The following MYO16 variants were observed in gnomAD, a reference collection of about 807,000 sequenced individuals.
The protein encoded by MYO16 is unconventional myosin-XVI.
MYO16 carries 94 observed loss-of-function variants against 205.3 expected under a neutral mutation model. The ratio of observed to expected loss-of-function variants is 0.46; its 90% CI spans 0.39 to 0.54. MYO16 has a LOEUF of 0.54. Among genes scored for constraint, MYO16 ranks in the 20% least tolerant of loss-of-function variants. MYO16 has a pLI of 0.00. For synonymous variants in MYO16, 988 were observed against 954.0 expected (o/e 1.04, Z -0.66); for missense variants, 2,315 against 2,387.5 (o/e 0.97, Z 0.63).
intron 32 of MYO16, among the ~76,000 whole-genome samples, chr13:109,153,689 G>A (rs900839063): frequency 3.3e-5 from 5 of 152,148 alleles, no homozygotes; most frequent in Admixed American, 3.3e-4. Context: ...AACCCTGGAG[G>A]TGGAGGTTGC....
intron 4 of MYO16, among the ~76,000 whole-genome samples, chr13:108,763,976 G>A (rs912766244): frequency 1.3e-5 from 2 of 152,082 alleles, no homozygotes; most frequent in Admixed American, 6.6e-5. Context: ...CGATAAACTC[G>A]ATTCAAAAGG....
rs193134526 is a variant in MYO16, at chr13:108,886,521, A to G, written c.1554-1851A>G. The G allele has an allele frequency of 7.2e-4, 327 of 455,900 alleles. No individual in the cohort carries two copies. In the Admixed American group the frequency reaches 7.4e-3, roughly 10 times the overall value. 28.2% of individuals were successfully genotyped at this position (455,900 alleles called of 1,614,324 possible). A position where few individuals can be genotyped will look rare whatever the true frequency, so the allele number is the denominator to read the frequency against. On this transcript the variant is annotated intron_variant, in intron 13 of 34. Coordinates refer to ENST00000457511, the MANE Select transcript of MYO16 (RefSeq NM_001198950.3). ...AGCTCTCAGCAGAGAGGGGTCCTGAAGCAGGGTGCCTGGTGCCCCCTTCTC... is the reference window on the plus strand; with the variant it reads ...AGCTCTCAGCAGAGAGGGGTCCTGAGGCAGGGTGCCTGGTGCCCCCTTCTC...
intron 3 of MYO16, among the ~76,000 whole-genome samples, chr13:108,720,349 G>C (rs1884114425): frequency 6.6e-6 from 1 of 152,170 alleles, no homozygotes; most frequent in Non-Finnish European, 1.5e-5. Flanking sequence ...TAGATTTTGA[G>C]AAATTGCAAT....
intron 14 of MYO16, among the ~76,000 whole-genome samples, chr13:108,897,714 T>C (rs558424696): frequency 6.6e-6 from 1 of 152,310 alleles, no homozygotes; most frequent in East Asian, 1.9e-4. Flanking sequence ...CTTGATAACA[T>C]TTGTTAAGCT....
chr13:108,661,654 C>T (rs1881508155), intron 1 of MYO16, among the ~76,000 whole-genome samples: 1 of 152,150 alleles, frequency 6.6e-6, no homozygotes, highest in African/African-American at 2.4e-5. Context: ...TTTCTTTAAG[C>T]TATCCATTTT....
the MYO16 span, among the ~76,000 whole-genome samples, chr13:108,543,352 A>G: frequency 6.6e-6 from 1 of 152,342 alleles, no homozygotes; most frequent in East Asian, 1.9e-4. Flanking sequence ...TTTTGGTAAA[A>G]AAGAATCCCA....
intron 16 of MYO16, among the ~76,000 whole-genome samples, chr13:108,916,277 T>A (rs1003812960): frequency 6.6e-6 from 1 of 152,186 alleles, no homozygotes; most frequent in Non-Finnish European, 1.5e-5. Context: ...GTTCACTCAC[T>A]GAATCCTCAC....
the MYO16 span, among the ~76,000 whole-genome samples, chr13:108,548,689 AATG>A: frequency 3.9e-5 from 6 of 152,062 alleles, no homozygotes; most frequent in Admixed American, 1.3e-4. Context: ...TGATGGTGGT[AATG>A]ATGATGATTA....
chr13:109,028,196 A>G (rs181290594), intron 23 of MYO16, among the ~76,000 whole-genome samples: 36 of 150,930 alleles, frequency 2.4e-4, no homozygotes, highest in Admixed American at 6.6e-4. Flanking sequence ...TATGTGCAGA[A>G]AATTGAGATA....
chr13:109,109,786 CAG>C (rs1192358802), intron 28 of MYO16, among the ~76,000 whole-genome samples: 1 of 152,154 alleles, frequency 6.6e-6, no homozygotes, highest in Non-Finnish European at 1.5e-5. Context: ...GGGCTGAAAA[CAG>C]AAGACAGTTC....
In MYO16 at chr13:108,776,818, CAGAG is replaced by C. The variant is rs1886138993; in HGVS notation, c.508-8814_508-8811del. On this transcript the variant is annotated intron_variant, in intron 4 of 34. Coordinates refer to ENST00000457511, the MANE Select transcript of MYO16 (RefSeq NM_001198950.3). ...ACAACAACTCTGGGAGAATTAAAGA[CAGAG>C]AGGGCAAGCAGTTTCTCCAAGGTCA... Among the ~76,000 whole-genome samples, 3 of 152,220 alleles carry C rather than the reference CAGAG, an allele frequency of 2.0e-5. No individual in the cohort carries two copies. The South Asian group carries it at 6.2e-4, about 32-fold the overall frequency.
intron 23 of MYO16, among the ~76,000 whole-genome samples, chr13:109,023,197 AT>A: frequency 8.0e-6 from 1 of 125,606 alleles, no homozygotes; most frequent in African/African-American, 3.0e-5. Flanking sequence ...TATATTATAT[AT>A]GAATATAAAT....
intron 7 of MYO16, among the ~76,000 whole-genome samples, chr13:108,818,878 C>A (rs1875789589): frequency 6.6e-6 from 1 of 152,150 alleles, no homozygotes; most frequent in Non-Finnish European, 1.5e-5. Flanking sequence ...AAGCCTGCTC[C>A]ATTTTCAAAG....
chr13:108,585,365 A>T, the MYO16 span, among the ~76,000 whole-genome samples: 1 of 152,230 alleles, frequency 6.6e-6, no homozygotes, highest in African/African-American at 2.4e-5. Flanking sequence ...TTTCTGGTTG[A>T]CATTGATTGG....
chr13:108,952,075 C>T (rs896203725), intron 16 of MYO16, among the ~76,000 whole-genome samples: 18 of 151,632 alleles, frequency 1.2e-4, no homozygotes, highest in African/African-American at 4.4e-4. Context: ...CATGCCATTG[C>T]ACTCCAGCCT....
At chr13:109,013,220 G>A (rs1421548062) in intron 22 of MYO16, among the ~76,000 whole-genome samples, 4 of 149,724 alleles carry the variant, frequency 2.7e-5, no homozygotes, top group Non-Finnish European at 5.9e-5. Context: ...TGCGGTGTTT[G>A]GTTTTCTGTC....
chr13:108,663,611 C>G (rs139088100), intron 1 of MYO16, among the ~76,000 whole-genome samples: 1 of 152,090 alleles, frequency 6.6e-6, no homozygotes. Context: ...GATTTAAGAG[C>G]CACCCTCTAC....
intron 4 of MYO16, among the ~76,000 whole-genome samples, chr13:108,766,502 C>T (rs981145105): frequency 7.9e-5 from 12 of 152,282 alleles, no homozygotes; most frequent in Middle Eastern, 3.4e-3. Flanking sequence ...CATTTCTTTA[C>T]CAGTTCCAAT....
intron 9 of MYO16, among the ~76,000 whole-genome samples, chr13:108,831,974 G>T (rs1442628749): frequency 6.6e-6 from 1 of 152,098 alleles, no homozygotes; most frequent in Admixed American, 6.5e-5. Context: ...TAGTTTCTGA[G>T]GTGGGCAGCC....
Sources: gnomAD v4.1 joint callset for allele counts (sites outside exome capture counted in the v4.1 genomes callset) on GRCh38, gnomAD v4.1.1 for gene constraint, MANE v1.5 for transcripts, NCBI Gene and HGNC (gene_info 2026-07-23, HGNC 2026-07-21) for gene names.